SUGCT: variants seen among roughly 807,000 people sequenced by gnomAD.
The protein encoded by SUGCT is succinyl-CoA:glutarate-CoA transferase.
Under a neutral mutation model 55.0 loss-of-function variants are expected in SUGCT, and 41 were observed. The observed-to-expected ratio is 0.74, with a 90% confidence interval of 0.58 to 0.97. SUGCT has a LOEUF of 0.97. Among genes scored for constraint, SUGCT ranks in the 50% least tolerant of loss-of-function variants. SUGCT has a pLI of 0.00. For missense variants in SUGCT, 568 were observed against 547.8 expected, an observed-to-expected ratio of 1.04 and a Z score of -0.37; for synonymous variants, 187 against 200.4, an observed-to-expected ratio of 0.93 and a Z score of 0.56.
intron 13 of SUGCT, among the ~76,000 whole-genome samples, chr7:40,792,843 G>C (rs1021440252): frequency 1.3e-5 from 2 of 152,064 alleles, no homozygotes; most frequent in Non-Finnish European, 2.9e-5. Flanking sequence ...GATCTAGTTG[G>C]AGTTCCCTTA....
chr7:40,775,727 G>C (rs1449180297), intron 13 of SUGCT: 1 of 152,146 alleles, frequency 6.6e-6, no homozygotes, highest in Non-Finnish European at 1.5e-5. Flanking sequence ...GATTATTTCT[G>C]CATCTTATCT....
In SUGCT at chr7:40,525,936, C is replaced by T. The variant is rs1177192393; in HGVS notation, c.1089+29550C>T. On this transcript the variant is annotated intron_variant, in intron 12 of 13. Coordinates refer to ENST00000335693, the MANE Select transcript of SUGCT (RefSeq NM_001193313.2). ...GGGGACAATCTGGCTGCACTATCTG[C>T]CATCCATCTTGTCTCCAAGGCTATT... 2.0e-5 allele frequency among the ~76,000 whole-genome samples: 3 copies of T among 152,272 alleles called. No homozygotes were observed. In the East Asian group the frequency reaches 5.8e-4, roughly 29 times the overall value.
chr7:40,704,934 A>G (rs1235745898), intron 12 of SUGCT, among the ~76,000 whole-genome samples: 2 of 152,192 alleles, frequency 1.3e-5, no homozygotes, highest in Non-Finnish European at 2.9e-5. Context: ...CTGTCTGTTC[A>G]CACTTTCAAC....
chr7:40,408,614 A>G (rs1786504021), intron 9 of SUGCT, among the ~76,000 whole-genome samples: 1 of 152,126 alleles, frequency 6.6e-6, no homozygotes, highest in Admixed American at 6.6e-5. Context: ...ATTTTTAAAA[A>G]CTTTTTTTCT....
At position 40,809,189 on chromosome 7, in the gene SUGCT, T is replaced by C. The variant is rs1284197270; in HGVS notation, c.1154-51127T>C. On this transcript the variant is annotated intron_variant, in intron 13 of 13. Coordinates refer to ENST00000335693, the MANE Select transcript of SUGCT (RefSeq NM_001193313.2). Reference sequence around the variant, plus strand: ...TTTTCTCTTATAAACAAGGTTGTTATGAAGATTACATAAAATAATGCTTGT... The same window carrying C: ...TTTTCTCTTATAAACAAGGTTGTTACGAAGATTACATAAAATAATGCTTGT... Among the ~76,000 whole-genome samples, 4 of 152,352 alleles carry C rather than the reference T, an allele frequency of 2.6e-5. No individual in the cohort carries two copies. The East Asian group carries it at 5.8e-4, about 22-fold the overall frequency.
At chr7:40,843,508 C>CAAAAAAAAAAAAAAAAAAAAAAAAAAAA (rs57586466) in intron 13 of SUGCT, among the ~76,000 whole-genome samples, 1 of 127,880 alleles carries the variant, frequency 7.8e-6, no homozygotes, top group African/African-American at 2.8e-5. Context: ...GACTCTGTCT[C>CAAAAAAAAAAAAAAAAAAAAAAAAAAAA]AAAAAAAAAA....
chr7:40,994,097 A>G, the SUGCT span, among the ~76,000 whole-genome samples: 1 of 152,130 alleles, frequency 6.6e-6, no homozygotes, highest in Non-Finnish European at 1.5e-5. Context: ...TACTCAGGAA[A>G]TCTATCATGC....
In SUGCT at chr7:40,591,205, A is replaced by G. The variant is rs1004638341; in HGVS notation, c.1089+94819A>G. ...TTCATAGGAGGAGGTTGAAATACCA[A>G]TATTAATCAGGGTTTGGAATAATTT... On this transcript the variant is annotated intron_variant, in intron 12 of 13. Transcript: ENST00000335693. 5.3e-5 allele frequency among the ~76,000 whole-genome samples: 8 copies of G among 152,362 alleles called. No individual in the cohort carries two copies. In the East Asian group the frequency reaches 5.8e-4, roughly 11 times the overall value.
intron 9 of SUGCT, among the ~76,000 whole-genome samples, chr7:40,346,798 G>A (rs1214205114): frequency 6.6e-6 from 1 of 152,160 alleles, no homozygotes; most frequent in African/African-American, 2.4e-5. Flanking sequence ...AGAGACACTA[G>A]AGAGTTCTCT....
chr7:40,851,175 CTTG>C (rs1389520914), intron 13 of SUGCT, among the ~76,000 whole-genome samples: 1 of 152,124 alleles, frequency 6.6e-6, no homozygotes, highest in Admixed American at 6.5e-5. Context: ...TCTTAACCGC[CTTG>C]TTGTATCACT....
intron 1 of SUGCT, among the ~76,000 whole-genome samples, chr7:40,178,403 AT>A (rs1785026534): frequency 6.6e-6 from 1 of 152,050 alleles, no homozygotes; most frequent in African/African-American, 2.4e-5. Context: ...TTTGAAAGTA[AT>A]TTTTCCGAGA....
At chr7:40,962,404 G>A in the SUGCT span, among the ~76,000 whole-genome samples, 1 of 152,044 alleles carries the variant, frequency 6.6e-6, no homozygotes, top group African/African-American at 2.4e-5. Context: ...AAACCCAGCT[G>A]GCTTCACCTC....
chr7:40,399,617 G>A (rs1233844476), intron 9 of SUGCT, among the ~76,000 whole-genome samples: 1 of 152,036 alleles, frequency 6.6e-6, no homozygotes, highest in Non-Finnish European at 1.5e-5. Context: ...TTTCTCCTTG[G>A]GTCTTATTAG....
intron 9 of SUGCT, among the ~76,000 whole-genome samples, chr7:40,346,754 G>A (rs559522440): frequency 6.6e-6 from 1 of 152,234 alleles, no homozygotes; most frequent in Non-Finnish European, 1.5e-5. Context: ...TGAGGGTGGA[G>A]CCCTAATCTG....
At chr7:40,610,054 A>T (rs925974123) in intron 12 of SUGCT, among the ~76,000 whole-genome samples, 2 of 152,162 alleles carry the variant, frequency 1.3e-5, no homozygotes, top group African/African-American at 4.8e-5. Flanking sequence ...AATAACAATT[A>T]TTTCTTTTGG....
the SUGCT span, among the ~76,000 whole-genome samples, chr7:41,013,736 T>A: frequency 6.6e-6 from 1 of 151,666 alleles, no homozygotes; most frequent in African/African-American, 2.4e-5. Context: ...ACATTTTAGT[T>A]GCTTTTCTTT....
chr7:41,003,163 A>G, the SUGCT span, among the ~76,000 whole-genome samples: 21 of 152,258 alleles, frequency 1.4e-4, no homozygotes, highest in Admixed American at 8.5e-4. Context: ...CCACCAACCT[A>G]CGTAATATTC....
At chr7:40,503,376 G>A (rs997013407) in intron 12 of SUGCT, among the ~76,000 whole-genome samples, 4 of 152,016 alleles carry the variant, frequency 2.6e-5, no homozygotes, top group Admixed American at 6.5e-5. Flanking sequence ...ACATGTGGAC[G>A]AGAATAGCAA....
intron 7 of SUGCT, among the ~76,000 whole-genome samples, chr7:40,256,611 C>A (rs1261021775): frequency 2.6e-5 from 4 of 152,076 alleles, no homozygotes; most frequent in Non-Finnish European, 5.9e-5. Context: ...AAGATTCAAG[C>A]CCTTTGTTTG....
Sources: allele counts gnomAD v4.1 joint callset (sites outside exome capture counted in the v4.1 genomes callset), GRCh38; gene constraint gnomAD v4.1.1; transcripts MANE v1.5; gene names NCBI Gene and HGNC (gene_info 2026-07-23, HGNC 2026-07-21).